ARHGEF37: variants seen among roughly 807,000 people sequenced by gnomAD.
ARHGEF37 encodes the protein Rho guanine nucleotide exchange factor 37, also known as Rho guanine nucleotide exchange factor (GEF) 37.
In ARHGEF37, 55 loss-of-function variants were observed where a neutral mutation model predicts 71.1. That is an observed-to-expected ratio of 0.77 (90% CI 0.62 to 0.97). ARHGEF37 has a LOEUF of 0.97. ARHGEF37 is among the 50% of genes least tolerant of loss of function. The pLI is 0.00. For missense variants in ARHGEF37, 765 were observed against 836.8 expected (o/e 0.91, Z 1.06); for synonymous variants, 327 against 350.6 (o/e 0.93, Z 0.75).
chr5:149,626,269 C>T (rs1038930909), intron 10 of ARHGEF37, among the ~76,000 whole-genome samples: 9 of 150,606 alleles, frequency 6.0e-5, no homozygotes, highest in African/African-American at 2.2e-4. Context: ...CACACACACA[C>T]ACACACACAC....
intron 11 of ARHGEF37, among the ~76,000 whole-genome samples, chr5:149,628,575 A>C (rs547767650): frequency 5.9e-5 from 9 of 152,114 alleles, no homozygotes; most frequent in Non-Finnish European, 1.3e-4. Flanking sequence ...ATCATAGCTG[A>C]TCAAAGGGAG....
chr5:149,609,804 C>A, intron 4 of ARHGEF37, 109 bp downstream of exon 4: 2 of 1,453,762 alleles, frequency 1.4e-6, no homozygotes, highest in Non-Finnish European at 1.9e-6. Flanking sequence ...ACGAGTGTTG[C>A]TCTGTCAGAG....
intron 4 of ARHGEF37, among the ~76,000 whole-genome samples, chr5:149,610,343 C>T (rs879643353): frequency 7.2e-5 from 11 of 152,118 alleles, no homozygotes; most frequent in South Asian, 2.1e-4. Context: ...ATCACCAGTC[C>T]GTGGTGGACT....
upstream of ARHGEF37, among the ~76,000 whole-genome samples, chr5:149,580,418 T>A (rs2113259488): frequency 6.6e-6 from 1 of 152,260 alleles, no homozygotes; most frequent in African/African-American, 2.4e-5. Context: ...GTTGCCCTCA[T>A]CTGTCACATT....
intron 1 of ARHGEF37, among the ~76,000 whole-genome samples, chr5:149,587,452 T>G (rs989208042): frequency 2.0e-5 from 3 of 152,206 alleles, no homozygotes; most frequent in Non-Finnish European, 4.4e-5. Flanking sequence ...TTTACTTGGA[T>G]TATCTTAGGA....
At chr5:149,569,416 T>C (rs1403656123) in intron 1 of ARHGEF37, among the ~76,000 whole-genome samples, 1 of 152,046 alleles carries the variant, frequency 6.6e-6, no homozygotes, top group East Asian at 1.9e-4. Context: ...GCCTCCCAGG[T>C]TCAAGCGATT....
chr5:149,630,770 C>T (rs551290057), intron 12 of ARHGEF37, among the ~76,000 whole-genome samples: 64 of 152,330 alleles, frequency 4.2e-4, no homozygotes, highest in African/African-American at 1.3e-3. Flanking sequence ...TCTATCTGCC[C>T]AAGCATATCA....
At chr5:149,560,779 G>T (rs1308639890) in intron 1 of ARHGEF37, among the ~76,000 whole-genome samples, 1 of 151,902 alleles carries the variant, frequency 6.6e-6, no homozygotes, top group Non-Finnish European at 1.5e-5. Flanking sequence ...AAAAAAAATT[G>T]TGCCATTTAT....
chr5:149,627,413 G>A (rs1451405549), intron 11 of ARHGEF37, 142 bp downstream of exon 11: 11 of 890,478 alleles, frequency 1.2e-5, no homozygotes, highest in African/African-American at 1.7e-5. Flanking sequence ...CACACACAGG[G>A]CTCAGGGCAC....
chr5:149,597,964 G>A lies in ARHGEF37; in HGVS notation c.186+9G>A. The A allele has an allele frequency of 1.3e-6, 2 of 1,572,508 alleles. No individual in the cohort carries two copies. The highest frequency in any genetic ancestry group is 1.7e-6 in the Non-Finnish European group (2 of 1,160,472). ...GGAGCCGCCTCCAGCAGGTACTTGG[G>A]TGGGGTCACACACAACCTGTCTTTA... On this transcript the variant is annotated intron_variant, in intron 2 of 12. Transcript: ENST00000333677.
chr5:149,567,879 A>G (rs1762915723), intron 1 of ARHGEF37, among the ~76,000 whole-genome samples: 1 of 152,168 alleles, frequency 6.6e-6, no homozygotes, highest in Non-Finnish European at 1.5e-5. Context: ...GTAGTATTTT[A>G]GAAACCAAGA....
chr5:149,584,081 G>A (rs978590061), intron 1 of ARHGEF37, among the ~76,000 whole-genome samples: 2 of 152,096 alleles, frequency 1.3e-5, no homozygotes, highest in African/African-American at 4.8e-5. Flanking sequence ...TCTAATAATT[G>A]TTATTATTTT....
intron 1 of ARHGEF37, among the ~76,000 whole-genome samples, chr5:149,553,526 A>AT: frequency 6.6e-6 from 1 of 152,168 alleles, no homozygotes; most frequent in East Asian, 1.9e-4. Flanking sequence ...AGTTTAATGG[A>AT]TTCCTCAGCT....
intron 10 of ARHGEF37, among the ~76,000 whole-genome samples, chr5:149,625,941 C>T (rs1266285833): frequency 6.6e-6 from 1 of 152,180 alleles, no homozygotes; most frequent in Non-Finnish European, 1.5e-5. Flanking sequence ...GGCCGGTCAG[C>T]CTTGAGAAAG....
At position 149,620,428 on chromosome 5, in the gene ARHGEF37, G is replaced by A. The variant is rs1216215352; in HGVS notation, c.969G>A (p.Leu323=). The change falls in exon 8 of 13, where the codon TTG becomes TTA. Residue 323 remains leucine, a synonymous_variant. Transcript: ENST00000333677. ...GGCCTGCAGTGCAGTATTGCAATTT[G>A]GCAAGAGACCTTCACCTTGAGGCCT... ...PEGPAVQYCN[L]ARDLHLEAFL... 4 of 1,612,370 alleles carry A rather than the reference G, an allele frequency of 2.5e-6. No homozygotes were observed. Among genetic ancestry groups the A allele is most frequent in the Non-Finnish European group, 3.4e-6 (4 of 1,179,306 alleles).
At chr5:149,584,158 G>A (rs1763174142) in intron 1 of ARHGEF37, among the ~76,000 whole-genome samples, 1 of 152,150 alleles carries the variant, frequency 6.6e-6, no homozygotes, top group South Asian at 2.1e-4. Flanking sequence ...TGATGACAGA[G>A]CCTGGGCAGA....
At chr5:149,582,806 A>G (rs1763139135) in intron 1 of ARHGEF37, among the ~76,000 whole-genome samples, 1 of 152,200 alleles carries the variant, frequency 6.6e-6, no homozygotes. Context: ...ATTAATTAAA[A>G]AAAAAAGTGA....
At chr5:149,622,489 C>A (rs1355104519) in intron 9 of ARHGEF37, among the ~76,000 whole-genome samples, 3 of 152,158 alleles carry the variant, frequency 2.0e-5, no homozygotes, top group African/African-American at 7.2e-5. Context: ...TTAGGATGTA[C>A]CTGTTTGGAG....
In ARHGEF37 at chr5:149,565,829, A is replaced by ATTTTTTTTTT. The variant is rs201683478; in HGVS notation, c.-12+13732_-12+13741dup. 2.1e-3 allele frequency among the ~76,000 whole-genome samples: 180 copies of ATTTTTTTTTT among 84,520 alleles called. 17 individuals are homozygous for ATTTTTTTTTT. Among genetic ancestry groups the ATTTTTTTTTT allele is most frequent in the East Asian group, 3.7e-3 (9 of 2,420 alleles). 55.4% of individuals were successfully genotyped at this position (84,520 alleles called of 152,430 possible). A position where few individuals can be genotyped will look rare whatever the true frequency, so the allele number is the denominator to read the frequency against. ...TAGCTTTGTAATGTCAGAAACTCTA[A>ATTTTTTTTTT]TTTTTTTTTTTTTTTTTTTTTTTTT... On this transcript the variant is annotated intron_variant, in intron 1 of 2. Coordinates refer to the ARHGEF37 transcript ENST00000505810.
Sources: gnomAD v4.1 joint callset for allele counts (sites outside exome capture counted in the v4.1 genomes callset) on GRCh38, gnomAD v4.1.1 for gene constraint, MANE v1.5 for transcripts, NCBI Gene and HGNC (gene_info 2026-07-23, HGNC 2026-07-21) for gene names.